CYP2C18: variants seen among roughly 807,000 people sequenced by gnomAD.
The protein encoded by CYP2C18 is cytochrome P450 family 2 subfamily C member 18.
CYP2C18 carries 38 observed loss-of-function variants against 41.3 expected under a neutral mutation model. That is an observed-to-expected ratio of 0.92 (90% CI 0.71 to 1.21). The LOEUF is 1.21. CYP2C18 is among the 50% of genes most tolerant of loss of function. The pLI, the probability that CYP2C18 is intolerant of heterozygous loss-of-function variation, is 0.00. For synonymous variants in CYP2C18, 236 were observed against 210.0 expected, an observed-to-expected ratio of 1.12 and a Z score of -1.07; for missense variants, 635 against 591.4, an observed-to-expected ratio of 1.07 and a Z score of -0.77.
rs76498052 is a variant in CYP2C18, at chr10:94,724,476, C to T, written c.1092C>T (p.Thr364=). The T allele has an allele frequency of 4.4e-3, 7,020 of 1,613,616 alleles. 212 individuals are homozygous for T. In the Admixed American group the frequency reaches 0.062, roughly 14 times the overall value. ...AGAGATACATTGACCTCCTCCCCACCAACCTGCCCCATGCAGTGACCTGTG... is the reference window on the plus strand; with the variant it reads ...AGAGATACATTGACCTCCTCCCCACTAACCTGCCCCATGCAGTGACCTGTG... ...EIQRYIDLLP[T]NLPHAVTCDV... Residue 364 remains threonine (T), a synonymous_variant, in exon 7 of 9, where the codon ACC becomes ACT. Coordinates refer to ENST00000285979, the MANE Select transcript of CYP2C18 (RefSeq NM_000772.3).
intron 5 of CYP2C18, among the ~76,000 whole-genome samples, chr10:94,707,741 T>G (rs1039337823): frequency 1.3e-5 from 2 of 152,194 alleles, no homozygotes; most frequent in African/African-American, 4.8e-5. Context: ...TAAAATCAAG[T>G]TGTCCATTTT....
At chr10:94,712,401 G>A (rs113472728) in intron 5 of CYP2C18, among the ~76,000 whole-genome samples, 2 of 150,814 alleles carry the variant, frequency 1.3e-5, no homozygotes, top group African/African-American at 2.4e-5. Flanking sequence ...CTATGAGTTC[G>A]GTTGTTTTAG....
chr10:94,691,794 C>G (rs1318404554), intron 3 of CYP2C18, among the ~76,000 whole-genome samples: 2 of 152,136 alleles, frequency 1.3e-5, no homozygotes, highest in African/African-American at 4.8e-5. Context: ...CTACAGTAAC[C>G]AAAACAGCAT....
Position 94,709,113 on chromosome 10 carries a change from C to T in CYP2C18, c.819+2153C>T, listed in dbSNP as rs560806209. On this transcript the variant is annotated intron_variant, in intron 5 of 8. Transcript: ENST00000285979. ...GCTGCAGAATTGCTGGATTATACAG[C>T]AACTGTATGCTTAATCTTTGGAGAA... Among the ~76,000 whole-genome samples the T allele has an allele frequency of 3.9e-4, 60 of 152,260 alleles. 1 individual carries two copies. The South Asian group carries it at 0.011, about 27-fold the overall frequency.
At chr10:94,709,725 A>G (rs1847402828) in intron 5 of CYP2C18, among the ~76,000 whole-genome samples, 1 of 152,144 alleles carries the variant, frequency 6.6e-6, no homozygotes, top group South Asian at 2.1e-4. Flanking sequence ...ATGGTTTTAT[A>G]ATTTTAACTA....
intron 6 of CYP2C18, among the ~76,000 whole-genome samples, chr10:94,723,809 A>G (rs749222181): frequency 6.6e-6 from 1 of 152,162 alleles, no homozygotes; most frequent in Non-Finnish European, 1.5e-5. Context: ...GAGAGTCAGT[A>G]TTTAGAAATA....
chr10:94,714,210 T>C (rs1156260600), intron 5 of CYP2C18, among the ~76,000 whole-genome samples: 6 of 152,210 alleles, frequency 3.9e-5, no homozygotes, highest in East Asian at 3.9e-4. Context: ...TTTTGTCTTT[T>C]GTTGCCATTG....
At chr10:94,710,602 C>T (rs2134193713) in intron 5 of CYP2C18, among the ~76,000 whole-genome samples, 1 of 152,238 alleles carries the variant, frequency 6.6e-6, no homozygotes, top group East Asian at 1.9e-4. Flanking sequence ...GCTATTTGTA[C>T]ATAACCACTG....
chr10:94,730,997 T>A (rs1847821680), intron 7 of CYP2C18, among the ~76,000 whole-genome samples: 1 of 152,152 alleles, frequency 6.6e-6, no homozygotes, highest in Admixed American at 6.5e-5. Context: ...TAAGGAAAAC[T>A]GCAAAACACT....
At chr10:94,713,775 G>A (rs1240418010) in intron 5 of CYP2C18, among the ~76,000 whole-genome samples, 1 of 152,186 alleles carries the variant, frequency 6.6e-6, no homozygotes, top group Non-Finnish European at 1.5e-5. Context: ...CACAGTGGTT[G>A]AACTAGTTTA....
At position 94,735,389 on chromosome 10, in the gene CYP2C18, C is replaced by T. The variant is rs1847903382; in HGVS notation, c.1418C>T (p.Ala473Val). 6.2e-7 allele frequency: 1 copy of T among 1,613,720 alleles called. No individual in the cohort carries two copies. The highest frequency in any genetic ancestry group is 8.5e-7 in the Non-Finnish European group (1 of 1,179,710). ...AAGGATATTGACATCACCCCCATTG[C>T]CAATGCATTTGGTCGTGTGCCACCC... Reference protein sequence around the residue: ...DPKDIDITPIANAFGRVPPLY... With the variant: ...DPKDIDITPIVNAFGRVPPLY... Residue 473 changes from alanine (A) to valine (V), a missense_variant, in exon 9 of 9, where the codon GCC becomes GTC. Coordinates refer to ENST00000285979, the MANE Select transcript of CYP2C18 (RefSeq NM_000772.3).
chr10:94,707,569 T>C (rs999599845), intron 5 of CYP2C18, among the ~76,000 whole-genome samples: 1 of 152,122 alleles, frequency 6.6e-6, no homozygotes, highest in Non-Finnish European at 1.5e-5. Flanking sequence ...GTGTGAGCCC[T>C]AACAAGAGTG....
intron 5 of CYP2C18, among the ~76,000 whole-genome samples, chr10:94,713,551 G>A (rs966360070): frequency 6.6e-6 from 1 of 152,152 alleles, no homozygotes; most frequent in Non-Finnish European, 1.5e-5. Context: ...TGGTGTATAT[G>A]TGCCACATTT....
chr10:94,709,037 T>C (rs1008680296), intron 5 of CYP2C18, among the ~76,000 whole-genome samples: 4 of 152,210 alleles, frequency 2.6e-5, no homozygotes, highest in African/African-American at 9.6e-5. Flanking sequence ...GACATTTGTG[T>C]ACAAGTTTTT....
At chr10:94,735,158 T>G in intron 8 of CYP2C18, 105 bp from the exon 9 acceptor site, 5 of 1,168,348 alleles carry the variant, frequency 4.3e-6, no homozygotes, top group Non-Finnish European at 6.2e-6. Flanking sequence ...CTGCCTTCGA[T>G]CCATCCATCT....
intron 4 of CYP2C18, among the ~76,000 whole-genome samples, chr10:94,698,311 C>T (rs978838355): frequency 7.9e-5 from 12 of 152,178 alleles, no homozygotes; most frequent in Admixed American, 5.2e-4. Context: ...CAAACTAGAA[C>T]TCAGGATTAA....
chr10:94,704,321 A>G (rs1589798120), intron 4 of CYP2C18, among the ~76,000 whole-genome samples: 1 of 150,196 alleles, frequency 6.7e-6, no homozygotes, highest in South Asian at 2.1e-4. Flanking sequence ...GTTGCCTGCT[A>G]TAGTTTTTAT....
intron 4 of CYP2C18, among the ~76,000 whole-genome samples, chr10:94,701,265 T>G (rs1354298812): frequency 6.6e-6 from 1 of 152,152 alleles, no homozygotes; most frequent in Non-Finnish European, 1.5e-5. Flanking sequence ...ATGGCACATA[T>G]ACACCATGGA....
intron 5 of CYP2C18, among the ~76,000 whole-genome samples, chr10:94,707,553 GTA>G (rs1287402466): frequency 6.6e-6 from 1 of 152,116 alleles, no homozygotes; most frequent in Non-Finnish European, 1.5e-5. Context: ...ATGTGATCAG[GTA>G]TATGTGTGAG....
Sources: gnomAD v4.1 joint callset for allele counts (sites outside exome capture counted in the v4.1 genomes callset) on GRCh38, gnomAD v4.1.1 for gene constraint, MANE v1.5 for transcripts, NCBI Gene and HGNC (gene_info 2026-07-23, HGNC 2026-07-21) for gene names.